The following EIF3H variants were observed in gnomAD, a reference collection of about 807,000 sequenced individuals.
The protein encoded by EIF3H is eukaryotic translation initiation factor 3 subunit H, also known as eIF-3-gamma.
A neutral mutation model predicts 44.2 loss-of-function variants in EIF3H; 26 were observed. The ratio of observed to expected loss-of-function variants is 0.59; its 90% CI spans 0.43 to 0.82. The LOEUF is 0.82. EIF3H is among the 40% of genes least tolerant of loss of function. The probability of loss-of-function intolerance (pLI) is 0.00; values close to 1 mark genes in which losing one functional copy is unlikely to be tolerated. For missense variants in EIF3H, 359 were observed against 432.8 expected, an observed-to-expected ratio of 0.83 and a Z score of 1.51; for synonymous variants, 166 against 151.9, an observed-to-expected ratio of 1.09 and a Z score of -0.68.
intron 5 of EIF3H, among the ~76,000 whole-genome samples, chr8:116,651,320 A>G (rs1813388284): frequency 6.6e-6 from 1 of 152,214 alleles, no homozygotes; most frequent in African/African-American, 2.4e-5. Flanking sequence ...GAGGCATCAG[A>G]GAGGAATGGA....
chr8:116,757,100 G>A (rs1019516261), upstream of EIF3H, among the ~76,000 whole-genome samples: 1 of 152,154 alleles, frequency 6.6e-6, no homozygotes, highest in Non-Finnish European at 1.5e-5. Flanking sequence ...CCTCATAGCA[G>A]TAAAACTACA....
chr8:116,732,522 T>C (rs1466210462), intron 1 of EIF3H, among the ~76,000 whole-genome samples: 1 of 152,124 alleles, frequency 6.6e-6, no homozygotes, highest in African/African-American at 2.4e-5. Flanking sequence ...AAAATAAATA[T>C]TAAAGCTTTC....
chr8:116,741,177 T>C (rs1815126048), intron 1 of EIF3H, among the ~76,000 whole-genome samples: 1 of 152,202 alleles, frequency 6.6e-6, no homozygotes, highest in African/African-American at 2.4e-5. Context: ...CCAAGGAATA[T>C]TTAGTGACTA....
At chr8:116,706,037 C>T (rs1159058274) in intron 2 of EIF3H, among the ~76,000 whole-genome samples, 2 of 149,710 alleles carry the variant, frequency 1.3e-5, no homozygotes, top group African/African-American at 4.9e-5. Flanking sequence ...TTGGAGTAAA[C>T]ACTACCACCG....
chr8:116,753,899 T>G (rs538248863), intron 1 of EIF3H, among the ~76,000 whole-genome samples: 1 of 152,250 alleles, frequency 6.6e-6, no homozygotes, highest in Non-Finnish European at 1.5e-5. Context: ...AGAGTGCTGT[T>G]GTGACATAGC....
chr8:116,753,938 A>T (rs993698460), intron 1 of EIF3H, among the ~76,000 whole-genome samples: 2 of 152,220 alleles, frequency 1.3e-5, no homozygotes, highest in Non-Finnish European at 2.9e-5. Context: ...GTTTCTAAGA[A>T]ATAAACATTT....
intron 2 of EIF3H, among the ~76,000 whole-genome samples, chr8:116,677,052 G>A (rs1417368395): frequency 6.6e-6 from 1 of 152,066 alleles, no homozygotes; most frequent in Admixed American, 6.5e-5. Context: ...GAATATCAAG[G>A]AAAGGGGAGA....
intron 1 of EIF3H, among the ~76,000 whole-genome samples, chr8:116,734,870 A>G (rs1777442199): frequency 6.6e-6 from 1 of 152,224 alleles, no homozygotes; most frequent in Non-Finnish European, 1.5e-5. Context: ...AGGAACAGTT[A>G]TATCTTAAAA....
At chr8:116,656,540 T>G (rs1813493703) in intron 4 of EIF3H, among the ~76,000 whole-genome samples, 2 of 152,158 alleles carry the variant, frequency 1.3e-5, no homozygotes, top group Non-Finnish European at 2.9e-5. Context: ...TGAGTTAGCT[T>G]TTCTTTTAAA....
intron 1 of EIF3H, among the ~76,000 whole-genome samples, chr8:116,754,272 C>T (rs1199097706): frequency 6.6e-6 from 1 of 152,134 alleles, no homozygotes; most frequent in East Asian, 1.9e-4. Context: ...TGCCAACATG[C>T]CCGGCTAATT....
intron 1 of EIF3H, among the ~76,000 whole-genome samples, chr8:116,740,074 C>G (rs1401422187): frequency 1.3e-5 from 2 of 152,192 alleles, no homozygotes; most frequent in Non-Finnish European, 2.9e-5. Flanking sequence ...TCTAAACACT[C>G]TATCTTAACC....
rs372035721 is a variant in EIF3H at position 116,714,890 on chromosome 8, G to A, written c.289+11126C>T. ...CTGTCCAAATTCAACTCTTCTCTGAGCTCTAAAGCAATACAAAGGCAAAAT... is the reference window on the plus strand; with the variant it reads ...CTGTCCAAATTCAACTCTTCTCTGAACTCTAAAGCAATACAAAGGCAAAAT... On this transcript the variant is annotated intron_variant, in intron 2 of 7. Coordinates refer to ENST00000521861, the MANE Select transcript of EIF3H (RefSeq NM_003756.3). Among the ~76,000 whole-genome samples, 5 of 152,128 alleles carry A rather than the reference G, an allele frequency of 3.3e-5. No homozygotes were observed. The South Asian group carries it at 1.0e-3, about 32-fold the overall frequency.
chr8:116,687,473 AGTGTAATCTC>A (rs781270461), intron 2 of EIF3H, among the ~76,000 whole-genome samples: 85 of 152,198 alleles, frequency 5.6e-4, no homozygotes, highest in Admixed American at 2.6e-4. Context: ...ACAAATCAAC[AGTGTAATCTC>A]CAAATTTTTA....
chr8:116,670,020 G>A (rs1422364502), intron 2 of EIF3H, among the ~76,000 whole-genome samples: 1 of 152,106 alleles, frequency 6.6e-6, no homozygotes, highest in Non-Finnish European at 1.5e-5. Flanking sequence ...CAAATCTGAG[G>A]TTAGGAACCT....
intron 2 of EIF3H, among the ~76,000 whole-genome samples, chr8:116,703,588 G>A (rs1248462199): frequency 6.6e-6 from 1 of 152,212 alleles, no homozygotes; most frequent in Non-Finnish European, 1.5e-5. Flanking sequence ...AAAATGTGTA[G>A]AAGAAATAAT....
chr8:116,720,256 T>C (rs1024616099), intron 2 of EIF3H, among the ~76,000 whole-genome samples: 2 of 152,244 alleles, frequency 1.3e-5, no homozygotes, highest in Non-Finnish European at 2.9e-5. Context: ...TTTTTTTAAA[T>C]TGAAATTTTA....
intron 5 of EIF3H, among the ~76,000 whole-genome samples, chr8:116,653,101 G>C (rs1813424326): frequency 6.6e-6 from 1 of 152,098 alleles, no homozygotes; most frequent in Admixed American, 6.6e-5. Context: ...GAGAGGTACT[G>C]CCATATGCAG....
intron 2 of EIF3H, among the ~76,000 whole-genome samples, chr8:116,668,585 G>A (rs551618778): frequency 6.6e-6 from 1 of 152,150 alleles, no homozygotes; most frequent in East Asian, 1.9e-4. Context: ...AGCAGGATAG[G>A]GTACCAGACT....
At chr8:116,731,495 G>A (rs576915219) in intron 1 of EIF3H, among the ~76,000 whole-genome samples, 3 of 152,228 alleles carry the variant, frequency 2.0e-5, no homozygotes, top group East Asian at 1.9e-4. Context: ...ATACACTGCT[G>A]GTCAAACCCC....
Sources: allele counts gnomAD v4.1 joint callset (sites outside exome capture counted in the v4.1 genomes callset), GRCh38; gene constraint gnomAD v4.1.1; transcripts MANE v1.5; gene names NCBI Gene and HGNC (gene_info 2026-07-23, HGNC 2026-07-21).